The following SEMA3A variants were observed in gnomAD, a reference collection of about 807,000 sequenced individuals.
SEMA3A encodes semaphorin-3A.
A neutral mutation model predicts 97.9 loss-of-function variants in SEMA3A; 29 were observed. That is an observed-to-expected ratio of 0.30 (90% confidence interval 0.22 to 0.40). SEMA3A has a LOEUF of 0.40. Ranked by LOEUF, SEMA3A falls within the 10% of genes least tolerant of loss-of-function variation. The probability of loss-of-function intolerance (pLI) is 1.00; values close to 1 mark genes in which losing one functional copy is unlikely to be tolerated. For synonymous variants in SEMA3A, 321 were observed against 323.7 expected, an observed-to-expected ratio of 0.99 and a Z score of 0.09; for missense variants, 763 against 951.3, an observed-to-expected ratio of 0.80 and a Z score of 2.60.
At chr7:84,142,376 T>C (rs764213069) in intron 1 of SEMA3A, among the ~76,000 whole-genome samples, 15 of 152,092 alleles carry the variant, frequency 9.9e-5, no homozygotes, top group Admixed American at 2.6e-4. Context: ...AAAGGCTAAC[T>C]ATAGTTAAGG....
chr7:84,306,259 C>A (rs1332903433), intron 3 of SEMA3A: 4 of 151,380 alleles, frequency 2.6e-5, no homozygotes, highest in African/African-American at 4.8e-5. Flanking sequence ...TATGAATAAC[C>A]TAGGAAAAAT....
At chr7:84,250,984 C>T (rs1799594292) in intron 3 of SEMA3A, among the ~76,000 whole-genome samples, 1 of 152,078 alleles carries the variant, frequency 6.6e-6, no homozygotes, top group South Asian at 2.1e-4. Flanking sequence ...TCAATTTTTT[C>T]TTATTAAATG....
intron 5 of SEMA3A, among the ~76,000 whole-genome samples, chr7:84,055,038 A>C (rs1287816515): frequency 6.6e-6 from 1 of 152,084 alleles, no homozygotes; most frequent in South Asian, 2.1e-4. Context: ...TCAGGGACCC[A>C]CTTGAGGAGG....
At chr7:84,130,675 A>T (rs1795935802) in intron 2 of SEMA3A, among the ~76,000 whole-genome samples, 1 of 152,132 alleles carries the variant, frequency 6.6e-6, no homozygotes, top group South Asian at 2.1e-4. Context: ...CAATCCCAGC[A>T]GTTGAGTCTT....
chr7:84,234,495 C>G (rs888141220), intron 3 of SEMA3A, among the ~76,000 whole-genome samples: 2 of 152,062 alleles, frequency 1.3e-5, no homozygotes, highest in African/African-American at 4.8e-5. Flanking sequence ...ATGGGGTTCT[C>G]TTTTGCTCAT....
At chr7:84,041,863 T>C (rs984286962) in intron 6 of SEMA3A, among the ~76,000 whole-genome samples, 1 of 152,062 alleles carries the variant, frequency 6.6e-6, no homozygotes, top group Non-Finnish European at 1.5e-5. Context: ...TAATCAAAAA[T>C]GACATCATCG....
intron 12 of SEMA3A, among the ~76,000 whole-genome samples, chr7:84,001,678 T>TTACTTACA (rs150026787): frequency 2.0e-5 from 3 of 151,420 alleles, no homozygotes; most frequent in Admixed American, 1.3e-4. Flanking sequence ...TTGAGGTAAC[T>TTACTTACA]TAAATAATAT....
intron 1 of SEMA3A, among the ~76,000 whole-genome samples, chr7:84,444,564 CT>C (rs201008229): frequency 1.0e-3 from 145 of 138,712 alleles, no homozygotes; most frequent in Non-Finnish European, 1.1e-3. Flanking sequence ...TTCTTTTTTT[CT>C]TTTTTTTTTT....
At chr7:84,069,611 G>GA (rs1300010032) in intron 4 of SEMA3A, among the ~76,000 whole-genome samples, 1 of 151,884 alleles carries the variant, frequency 6.6e-6, no homozygotes, top group Non-Finnish European at 1.5e-5. Flanking sequence ...AAGGTTTCAT[G>GA]AAAAAATAAT....
chr7:84,360,995 A>G (rs1184620162), intron 2 of SEMA3A, among the ~76,000 whole-genome samples: 1 of 152,100 alleles, frequency 6.6e-6, no homozygotes, highest in Non-Finnish European at 1.5e-5. Context: ...TGTTATTTTA[A>G]AAACTATGTT....
chr7:84,127,678 A>T (rs1795840488), intron 3 of SEMA3A, among the ~76,000 whole-genome samples: 2 of 152,190 alleles, frequency 1.3e-5, no homozygotes, highest in Admixed American at 1.3e-4. Flanking sequence ...TCCTTCACCT[A>T]TAGGCAACAT....
At chr7:84,359,734 T>G (rs1308799432) in intron 2 of SEMA3A, among the ~76,000 whole-genome samples, 2 of 152,186 alleles carry the variant, frequency 1.3e-5, no homozygotes, top group Non-Finnish European at 2.9e-5. Flanking sequence ...TCCTTGTACC[T>G]CTGGTAGAAT....
chr7:84,004,107 G>A (rs1790566257), intron 11 of SEMA3A, among the ~76,000 whole-genome samples: 1 of 151,952 alleles, frequency 6.6e-6, no homozygotes, highest in South Asian at 2.1e-4. Context: ...GTTATACAAG[G>A]TTTCAGTGGA....
At chr7:84,429,516 T>TTA (rs10523978) in intron 1 of SEMA3A, among the ~76,000 whole-genome samples, 9,180 of 72,242 alleles carry the variant, frequency 0.13, 730 homozygotes, top group Non-Finnish European at 0.14. Flanking sequence ...ATAGAGTTTG[T>TTA]TATATATATA....
chr7:84,160,333 C>A (rs1396527977), intron 1 of SEMA3A, among the ~76,000 whole-genome samples: 1 of 151,816 alleles, frequency 6.6e-6, no homozygotes, highest in East Asian at 1.9e-4. Flanking sequence ...TATATATTAA[C>A]CTTAAAATAA....
intron 1 of SEMA3A, among the ~76,000 whole-genome samples, chr7:84,464,468 G>A (rs952694658): frequency 5.3e-5 from 8 of 152,122 alleles, no homozygotes; most frequent in African/African-American, 1.7e-4. Flanking sequence ...CCAATACAAC[G>A]ACCTAAATTA....
At chr7:84,111,593 A>C (rs1002422003) in intron 3 of SEMA3A, among the ~76,000 whole-genome samples, 6 of 152,204 alleles carry the variant, frequency 3.9e-5, no homozygotes, top group Admixed American at 6.5e-5. Context: ...ATGAAACCTG[A>C]TGATGACCCT....
chr7:84,048,596 C>T (rs938275134), intron 5 of SEMA3A, among the ~76,000 whole-genome samples: 1 of 151,742 alleles, frequency 6.6e-6, no homozygotes, highest in South Asian at 2.1e-4. Flanking sequence ...GAGAAGATAC[C>T]TTGTGTCTTC....
intron 1 of SEMA3A, among the ~76,000 whole-genome samples, chr7:84,468,843 T>C (rs1186301139): frequency 1.3e-5 from 2 of 152,082 alleles, no homozygotes; most frequent in Non-Finnish European, 2.9e-5. Context: ...AATGATTCTC[T>C]TTAGTAAAAT....
Sources: gnomAD v4.1 joint callset for allele counts (sites outside exome capture counted in the v4.1 genomes callset) on GRCh38, gnomAD v4.1.1 for gene constraint, MANE v1.5 for transcripts, NCBI Gene and HGNC (gene_info 2026-07-23, HGNC 2026-07-21) for gene names.